Variants in NLGN1 observed in about 807,000 individuals in gnomAD.
NLGN1 encodes neuroligin-1.
NLGN1 carries 12 observed loss-of-function variants against 65.5 expected under a neutral mutation model. The observed-to-expected ratio is 0.18, with a 90% CI of 0.12 to 0.30. The LOEUF is 0.30. Ranked by LOEUF, NLGN1 falls within the 10% of genes least tolerant of loss-of-function variation. The pLI, the probability that NLGN1 is intolerant of heterozygous loss-of-function variation, is 1.00. For synonymous variants in NLGN1, 350 were observed against 359.5 expected (o/e 0.97, Z 0.30); for missense variants, 750 against 1,007.1 (o/e 0.74, Z 3.46).
At chr3:174,075,039 A>G (rs1156769948) in intron 4 of NLGN1, among the ~76,000 whole-genome samples, 3 of 152,146 alleles carry the variant, frequency 2.0e-5, no homozygotes, top group Admixed American at 1.3e-4. Flanking sequence ...GTGCTGTGGC[A>G]TCAGAACAAG....
At chr3:173,708,953 G>A (rs1008573745) in intron 3 of NLGN1, among the ~76,000 whole-genome samples, 1 of 152,142 alleles carries the variant, frequency 6.6e-6, no homozygotes, top group Non-Finnish European at 1.5e-5. Context: ...TTCTCAAAAC[G>A]TTATTTCCGT....
At chr3:173,867,820 C>A (rs1179919367) in intron 4 of NLGN1, among the ~76,000 whole-genome samples, 1 of 152,046 alleles carries the variant, frequency 6.6e-6, no homozygotes, top group African/African-American at 2.4e-5. Flanking sequence ...TTAAAATCTA[C>A]CTACTAAAAA....
intron 2 of NLGN1, among the ~76,000 whole-genome samples, chr3:173,489,080 T>C (rs889599907): frequency 1.3e-5 from 2 of 151,958 alleles, no homozygotes; most frequent in African/African-American, 4.8e-5. Context: ...CTTACTTTTT[T>C]TTTCTTTTTT....
rs574175251 is a variant in NLGN1, at chr3:173,831,238, G to GA, written c.646+23416dup. Reference sequence around the variant, plus strand: ...AAATTTAATCCCTCATAGCTATCCTGAAAAAAAAAATTCAGTTTAGTATCA... The same window carrying GA: ...AAATTTAATCCCTCATAGCTATCCTGAAAAAAAAAAATTCAGTTTAGTATCA... On this transcript the variant is annotated intron_variant, in intron 4 of 6. Transcript: ENST00000457714. 2.4e-3 allele frequency among the ~76,000 whole-genome samples: 356 copies of GA among 148,100 alleles called. 4 individuals carry two copies. The highest frequency in any genetic ancestry group is 7.7e-3 in the African/African-American group (312 of 40,336).
At chr3:174,171,363 A>G (rs1382369266) in intron 4 of NLGN1, among the ~76,000 whole-genome samples, 2 of 152,140 alleles carry the variant, frequency 1.3e-5, no homozygotes, top group Admixed American at 6.6e-5. Flanking sequence ...AAAATTAACT[A>G]TAGGACAAAG....
intron 1 of NLGN1, among the ~76,000 whole-genome samples, chr3:173,408,920 A>G (rs924098834): frequency 6.6e-6 from 1 of 151,868 alleles, no homozygotes; most frequent in Non-Finnish European, 1.5e-5. Context: ...TCAAAAAAAA[A>G]AAAAAAAGAA....
intron 2 of NLGN1, among the ~76,000 whole-genome samples, chr3:173,511,203 C>T (rs56824101): frequency 0.013 from 1,978 of 152,204 alleles, 39 homozygotes; most frequent in African/African-American, 0.045. Flanking sequence ...AACTTGCAAA[C>T]GACAAGTTGT....
At chr3:174,254,306 ATTTTTTTTT>A (rs371427726) in intron 4 of NLGN1, among the ~76,000 whole-genome samples, 27,597 of 114,458 alleles carry the variant, frequency 0.24, 2,614 homozygotes, top group East Asian at 0.42. Context: ...GTCCTTTTTA[ATTTTTTTTT>A]TTTTTTTTTT....
At chr3:173,889,026 G>C (rs1303137591) in intron 4 of NLGN1, among the ~76,000 whole-genome samples, 1 of 152,062 alleles carries the variant, frequency 6.6e-6, no homozygotes, top group African/African-American at 2.4e-5. Flanking sequence ...TGTATTCACT[G>C]TCTCCATGAA....
At chr3:174,274,965 G>A (rs572338704) in intron 4 of NLGN1, among the ~76,000 whole-genome samples, 3 of 151,898 alleles carry the variant, frequency 2.0e-5, no homozygotes, top group South Asian at 2.1e-4. Flanking sequence ...CAAGATACAC[G>A]TTCACATGAA....
At chr3:173,953,437 C>T (rs1040934391) in intron 4 of NLGN1, among the ~76,000 whole-genome samples, 19 of 152,182 alleles carry the variant, frequency 1.2e-4, no homozygotes, top group African/African-American at 4.3e-4. Flanking sequence ...TTTAGAGCTG[C>T]TTGTTATCCA....
At chr3:174,256,929 A>G (rs1745882394) in intron 4 of NLGN1, among the ~76,000 whole-genome samples, 2 of 152,226 alleles carry the variant, frequency 1.3e-5, no homozygotes, top group Non-Finnish European at 2.9e-5. Flanking sequence ...ATTAAACTAA[A>G]GAGATTCTGC....
At chr3:174,234,506 C>A (rs568551207) in intron 4 of NLGN1, among the ~76,000 whole-genome samples, 1 of 152,296 alleles carries the variant, frequency 6.6e-6, no homozygotes, top group Admixed American at 6.5e-5. Context: ...CAGTTAAACT[C>A]CACGATTTTG....
At chr3:174,022,030 G>C (rs539476423) in intron 4 of NLGN1, among the ~76,000 whole-genome samples, 5 of 152,238 alleles carry the variant, frequency 3.3e-5, no homozygotes, top group African/African-American at 9.6e-5. Flanking sequence ...CCTGCTCCAG[G>C]CTGTGTTGCC....
At chr3:174,007,804 T>C (rs1183688353) in intron 4 of NLGN1, among the ~76,000 whole-genome samples, 1 of 152,238 alleles carries the variant, frequency 6.6e-6, no homozygotes, top group Non-Finnish European at 1.5e-5. Flanking sequence ...GTTAGAATTA[T>C]ACATTGTATA....
intron 4 of NLGN1, among the ~76,000 whole-genome samples, chr3:173,843,762 T>G (rs147254348): frequency 6.6e-6 from 1 of 152,296 alleles, no homozygotes; most frequent in Non-Finnish European, 1.5e-5. Flanking sequence ...AGTTCCAAAC[T>G]TTTGCACATT....
intron 3 of NLGN1, among the ~76,000 whole-genome samples, chr3:173,787,797 T>C (rs1400984088): frequency 6.6e-6 from 1 of 152,238 alleles, no homozygotes; most frequent in Non-Finnish European, 1.5e-5. Context: ...TCAGTGACCA[T>C]GTTTCCGATG....
intron 4 of NLGN1, among the ~76,000 whole-genome samples, chr3:173,975,871 A>G (rs765953957): frequency 3.3e-4 from 50 of 151,994 alleles, no homozygotes; most frequent in Non-Finnish European, 3.1e-4. Flanking sequence ...TCCACTAGAA[A>G]CGAAGTTTCT....
chr3:173,898,660 A>G (rs1224470527), intron 4 of NLGN1, among the ~76,000 whole-genome samples: 1 of 152,206 alleles, frequency 6.6e-6, no homozygotes, highest in Non-Finnish European at 1.5e-5. Flanking sequence ...TATGTTTTAC[A>G]GTTAACTAGG....
Sources: allele counts gnomAD v4.1 joint callset (sites outside exome capture counted in the v4.1 genomes callset), GRCh38; gene constraint gnomAD v4.1.1; transcripts MANE v1.5; gene names NCBI Gene and HGNC (gene_info 2026-07-23, HGNC 2026-07-21).